The following RIMS1 variants were observed in gnomAD, a reference collection of about 807,000 sequenced individuals.
RIMS1 encodes the protein regulating synaptic membrane exocytosis 1.
Under a neutral mutation model 214.1 loss-of-function variants are expected in RIMS1, and 83 were observed. The observed-to-expected ratio is 0.39, with a 90% CI of 0.32 to 0.47. The LOEUF is 0.47. RIMS1 is among the 20% of genes least tolerant of loss of function. The pLI is 0.99. For missense variants in RIMS1, 2,050 were observed against 2,161.8 expected, an observed-to-expected ratio of 0.95 and a Z score of 1.03; for synonymous variants, 793 against 786.8, an observed-to-expected ratio of 1.01 and a Z score of -0.13.
intron 1 of RIMS1, among the ~76,000 whole-genome samples, chr6:71,958,771 G>C (rs759973686): frequency 6.6e-6 from 1 of 152,056 alleles, no homozygotes; most frequent in Non-Finnish European, 1.5e-5. Context: ...CAGGTCAAGG[G>C]GGAAGCAGAT....
intron 11 of RIMS1, among the ~76,000 whole-genome samples, chr6:72,246,270 T>C (rs182326697): frequency 1.2e-3 from 178 of 152,294 alleles, no homozygotes; most frequent in Non-Finnish European, 1.7e-3. Flanking sequence ...ATAATTGTAT[T>C]ACTGAATAAC....
At chr6:72,242,665 A>G (rs2067467131) in intron 10 of RIMS1, among the ~76,000 whole-genome samples, 1 of 151,710 alleles carries the variant, frequency 6.6e-6, no homozygotes, top group Non-Finnish European at 1.5e-5. Context: ...GTAATATCAA[A>G]AAATATCAAT....
intron 28 of RIMS1, among the ~76,000 whole-genome samples, chr6:72,325,276 G>T (rs978100610): frequency 6.6e-6 from 1 of 151,648 alleles, no homozygotes; most frequent in African/African-American, 2.4e-5. Context: ...ATTGAATCCA[G>T]ATAGAGAGAG....
At chr6:72,171,028 C>T (rs1037594406) in intron 4 of RIMS1, among the ~76,000 whole-genome samples, 5 of 151,774 alleles carry the variant, frequency 3.3e-5, no homozygotes, top group African/African-American at 1.2e-4. Flanking sequence ...ATAAGCTGTC[C>T]TAGGTGAGAT....
chr6:71,893,187 A>G (rs1770506958), intron 1 of RIMS1, among the ~76,000 whole-genome samples: 1 of 152,216 alleles, frequency 6.6e-6, no homozygotes, highest in Non-Finnish European at 1.5e-5. Flanking sequence ...AGAAGAGCCC[A>G]CCTATCCTTT....
chr6:72,271,283 AAAAATATAT>A (rs1312304593), intron 22 of RIMS1, among the ~76,000 whole-genome samples: 77 of 76,766 alleles, frequency 1.0e-3, no homozygotes, highest in East Asian at 4.5e-3. Context: ...AAAAAAAAAA[AAAAATATAT>A]ATATATATAT....
intron 29 of RIMS1, among the ~76,000 whole-genome samples, chr6:72,368,959 C>G (rs1322046765): frequency 1.3e-5 from 2 of 151,500 alleles, no homozygotes; most frequent in Non-Finnish European, 2.9e-5. Context: ...TAAGGAAAAG[C>G]TTGGAGGCAG....
chr6:71,990,617 A>T (rs1174377149), intron 2 of RIMS1, among the ~76,000 whole-genome samples: 1 of 151,802 alleles, frequency 6.6e-6, no homozygotes, highest in East Asian at 2.0e-4. Context: ...AGAGGGGCCT[A>T]ATTTAATAAA....
chr6:72,324,686 A>G (rs2096369120), intron 28 of RIMS1, among the ~76,000 whole-genome samples: 1 of 151,952 alleles, frequency 6.6e-6, no homozygotes, highest in African/African-American at 2.4e-5. Flanking sequence ...TACGATAGTA[A>G]GTTTTTCAAT....
intron 2 of RIMS1, among the ~76,000 whole-genome samples, chr6:72,057,593 C>G (rs1192239361): frequency 2.0e-5 from 3 of 151,228 alleles, no homozygotes; most frequent in Admixed American, 6.6e-5. Context: ...CTGCAAGCTC[C>G]GCCTCCCAGG....
At chr6:72,260,224 C>A (rs1216787854) in intron 18 of RIMS1, among the ~76,000 whole-genome samples, 1 of 152,034 alleles carries the variant, frequency 6.6e-6, no homozygotes, top group Non-Finnish European at 1.5e-5. Flanking sequence ...AAATTCTAAT[C>A]AATTATATTG....
At chr6:72,335,823 G>C (rs565251098) in intron 29 of RIMS1, among the ~76,000 whole-genome samples, 1 of 152,070 alleles carries the variant, frequency 6.6e-6, no homozygotes, top group East Asian at 1.9e-4. Context: ...CTAATGACCA[G>C]TGATGATGAG....
In RIMS1 at chr6:72,196,558, A is replaced by G. The variant is rs553702990; in HGVS notation, c.1678+13409A>G. On this transcript the variant is annotated intron_variant, in intron 6 of 33. Coordinates refer to ENST00000521978, the MANE Select transcript of RIMS1 (RefSeq NM_014989.7). Reference sequence around the variant, plus strand: ...CCCATTTCCCGTTTGCCCTAAAAGTACTGTGCTGGCAGCCAGCTGCACTTT... The same window carrying G: ...CCCATTTCCCGTTTGCCCTAAAAGTGCTGTGCTGGCAGCCAGCTGCACTTT... Among the ~76,000 whole-genome samples, 47 of 129,358 alleles carry G rather than the reference A, an allele frequency of 3.6e-4. No individual in the cohort carries two copies. In the East Asian group the frequency reaches 8.5e-3, roughly 23 times the overall value. 84.9% of individuals were successfully genotyped at this position (129,358 alleles called of 152,430 possible).
intron 4 of RIMS1, among the ~76,000 whole-genome samples, chr6:72,112,609 A>G (rs2036320296): frequency 6.6e-6 from 1 of 151,786 alleles, no homozygotes; most frequent in South Asian, 2.1e-4. Flanking sequence ...TGCTAGCATA[A>G]CTCTCTTTTC....
chr6:72,236,385 T>G (rs1340348254), intron 8 of RIMS1, among the ~76,000 whole-genome samples: 2 of 152,134 alleles, frequency 1.3e-5, no homozygotes, highest in East Asian at 3.9e-4. Context: ...TTCCCAAAGG[T>G]GTCATTTTCT....
At chr6:72,338,121 G>A (rs2096911298) in intron 29 of RIMS1, among the ~76,000 whole-genome samples, 1 of 151,642 alleles carries the variant, frequency 6.6e-6, no homozygotes, top group Non-Finnish European at 1.5e-5. Flanking sequence ...TGGGATGGCT[G>A]GGTCAAATGG....
At chr6:72,279,070 A>G (rs759049117) in intron 23 of RIMS1, among the ~76,000 whole-genome samples, 10 of 152,004 alleles carry the variant, frequency 6.6e-5, no homozygotes, top group Non-Finnish European at 1.5e-4. Flanking sequence ...TTATGATTTT[A>G]TTAATTTTGT....
At chr6:72,025,375 G>A (rs1458613177) in intron 2 of RIMS1, among the ~76,000 whole-genome samples, 1 of 152,192 alleles carries the variant, frequency 6.6e-6, no homozygotes, top group Non-Finnish European at 1.5e-5. Flanking sequence ...TCACATAGGT[G>A]GAAGAGCTGA....
intron 1 of RIMS1, among the ~76,000 whole-genome samples, chr6:71,942,178 T>C (rs1786356051): frequency 1.3e-5 from 2 of 152,178 alleles, no homozygotes; most frequent in Non-Finnish European, 2.9e-5. Context: ...ACATAGCATA[T>C]GGCAATCATT....
Sources: allele counts gnomAD v4.1 joint callset (sites outside exome capture counted in the v4.1 genomes callset), GRCh38; gene constraint gnomAD v4.1.1; transcripts MANE v1.5; gene names NCBI Gene and HGNC (gene_info 2026-07-23, HGNC 2026-07-21).